Variants in BCR observed in about 807,000 individuals in gnomAD.
BCR encodes the protein BCR activator of RhoGEF and GTPase, also known as breakpoint cluster region protein.
A neutral mutation model predicts 138.6 loss-of-function variants in BCR; 58 were observed. That is an observed-to-expected ratio of 0.42 (90% CI 0.34 to 0.52). BCR has a LOEUF of 0.52. Ranked by LOEUF, BCR falls within the 20% of genes least tolerant of loss-of-function variation. The pLI is 0.06. For synonymous variants in BCR, 786 were observed against 730.1 expected, an observed-to-expected ratio of 1.08 and a Z score of -1.23; for missense variants, 1,599 against 1,727.2, an observed-to-expected ratio of 0.93 and a Z score of 1.32.
intron 1 of BCR, among the ~76,000 whole-genome samples, chr22:23,229,594 C>T (rs888707564): frequency 6.6e-6 from 1 of 152,172 alleles, no homozygotes; most frequent in Non-Finnish European, 1.5e-5. Flanking sequence ...CTGTTGACCA[C>T]TGAGGGATCA....
At position 23,315,620 on chromosome 22, in the gene BCR, G is replaced by C; in HGVS notation, c.*98G>C. On this transcript the variant is annotated 3_prime_UTR_variant, in exon 23 of 23. Coordinates refer to ENST00000305877, the MANE Select transcript of BCR (RefSeq NM_004327.4). Reference sequence around the variant, plus strand: ...GGGAACCTTCCTGAGGTGTCCTTGGGCCACCCCCAAGTGTTGGGCCATCTG... The same window carrying C: ...GGGAACCTTCCTGAGGTGTCCTTGGCCCACCCCCAAGTGTTGGGCCATCTG... The C allele has an allele frequency of 4.3e-6, 5 of 1,160,278 alleles. No individual in the cohort carries two copies. Among genetic ancestry groups the C allele is most frequent in the Non-Finnish European group, 6.4e-6 (5 of 784,062 alleles). 71.9% of individuals were successfully genotyped at this position (1,160,278 alleles called of 1,614,324 possible).
chr22:23,294,975 A>G (rs754506391), intron 15 of BCR, 49 bp from the exon 16 acceptor site: 2 of 1,603,704 alleles, frequency 1.2e-6, no homozygotes, highest in African/African-American at 1.3e-5. Context: ...CAGCCATAAC[A>G]TTGACCCGTT....
At chr22:23,292,726 C>A (rs951494071) in intron 15 of BCR, 88 bp downstream of exon 15, 2 of 1,160,638 alleles carry the variant, frequency 1.7e-6, no homozygotes, top group African/African-American at 1.6e-5. Flanking sequence ...TCAGGGGCTC[C>A]CTGAGGGCTT....
intron 1 of BCR, among the ~76,000 whole-genome samples, chr22:23,223,976 A>C (rs2072859826): frequency 6.6e-6 from 1 of 152,080 alleles, no homozygotes; most frequent in African/African-American, 2.4e-5. Context: ...CGTGTAGGAC[A>C]CACAGGGACA....
At position 23,314,833 on chromosome 22, in the gene BCR, C is replaced by G. The variant is rs918055787; in HGVS notation, c.3726+119C>G. The stretch of plus-strand genomic sequence containing the variant: ...CATTGTATGTGGTGTGGCCAACATT[C>G]ACAGAGAGGGACTTGCCTAGGTCTG... On this transcript the variant is annotated intron_variant, in intron 22 of 22. Transcript: ENST00000305877. 18 of 1,316,568 alleles carry G rather than the reference C, an allele frequency of 1.4e-5. No homozygotes were observed. In the African/African-American group the frequency reaches 2.5e-4, roughly 18 times the overall value. The allele number at this position is 1,316,568 out of a possible 1,614,324, so 81.6% of individuals were successfully genotyped here. A position where few individuals can be genotyped will look rare whatever the true frequency, so the allele number is the denominator to read the frequency against.
At chr22:23,257,826 G>A (rs928781) in intron 2 of BCR, among the ~76,000 whole-genome samples, 43,779 of 152,148 alleles carry the variant, frequency 0.29, 6,711 homozygotes, top group Middle Eastern at 0.42. Context: ...CTGTCTCCAA[G>A]TGAGAGTACG....
chr22:23,212,416 G>T (rs1351948086), intron 1 of BCR, among the ~76,000 whole-genome samples: 5 of 152,202 alleles, frequency 3.3e-5, no homozygotes, highest in African/African-American at 1.2e-4. Flanking sequence ...AGTCTATAGA[G>T]ACACCCATTG....
chr22:23,221,781 G>A (rs777305890), intron 1 of BCR, among the ~76,000 whole-genome samples: 1 of 152,110 alleles, frequency 6.6e-6, no homozygotes, highest in Non-Finnish European at 1.5e-5. Flanking sequence ...GGGAGGGTGG[G>A]GTTGTCTTTG....
At chr22:23,250,573 A>G (rs571297959) in intron 1 of BCR, among the ~76,000 whole-genome samples, 3 of 152,262 alleles carry the variant, frequency 2.0e-5, no homozygotes, top group Admixed American at 6.5e-5. Flanking sequence ...GACGCTGACA[A>G]TTCCAAGCTA....
At chr22:23,308,716 C>CA (rs1459867752) in intron 16 of BCR, among the ~76,000 whole-genome samples, 1 of 152,188 alleles carries the variant, frequency 6.6e-6, no homozygotes, top group Non-Finnish European at 1.5e-5. Context: ...AAACGGGAGA[C>CA]AGAGGCTTCA....
At chr22:23,253,241 C>T (rs773156139) in intron 1 of BCR, among the ~76,000 whole-genome samples, 2 of 152,212 alleles carry the variant, frequency 1.3e-5, no homozygotes, top group Non-Finnish European at 2.9e-5. Context: ...GCTCTCCTAA[C>T]CCTGGCCTTT....
intron 1 of BCR, among the ~76,000 whole-genome samples, chr22:23,238,358 C>T (rs974115814): frequency 6.6e-6 from 1 of 152,080 alleles, no homozygotes; most frequent in Non-Finnish European, 1.5e-5. Context: ...GACTTGGAGA[C>T]CGTGCCACCT....
At chr22:23,275,009 C>G (rs1032292152) in intron 8 of BCR, among the ~76,000 whole-genome samples, 1 of 152,050 alleles carries the variant, frequency 6.6e-6, no homozygotes, top group African/African-American at 2.4e-5. Context: ...GCCCTGTCCT[C>G]AGGGCCCCCA....
intron 1 of BCR, among the ~76,000 whole-genome samples, chr22:23,247,952 C>T (rs2073174086): frequency 1.3e-5 from 2 of 152,214 alleles, no homozygotes; most frequent in Non-Finnish European, 2.9e-5. Context: ...TTGTGCTTCT[C>T]CCTTCTTCTG....
intron 2 of BCR, among the ~76,000 whole-genome samples, chr22:23,257,600 A>T (rs117629290): frequency 4.2e-4 from 64 of 152,380 alleles, no homozygotes; most frequent in Non-Finnish European, 7.6e-4. Flanking sequence ...CTTGTGGAGC[A>T]GGGAGCGGCA....
intron 1 of BCR, among the ~76,000 whole-genome samples, chr22:23,193,358 G>T (rs1372420316): frequency 6.6e-6 from 1 of 152,268 alleles, no homozygotes; most frequent in Non-Finnish European, 1.5e-5. Flanking sequence ...CAGCTGGAGA[G>T]GGTGACCCTT....
At chr22:23,206,566 G>A (rs1185917732) in intron 1 of BCR, among the ~76,000 whole-genome samples, 1 of 145,608 alleles carries the variant, frequency 6.9e-6, no homozygotes, top group African/African-American at 2.7e-5. Context: ...AACATAGCGA[G>A]ACTCCGTCTC....
chr22:23,299,548 G>A (rs1392818466), intron 16 of BCR, among the ~76,000 whole-genome samples: 2 of 152,032 alleles, frequency 1.3e-5, no homozygotes, highest in African/African-American at 4.8e-5. Context: ...TTTGGCTTAT[G>A]TTTGTCTCTG....
chr22:23,198,681 G>A (rs922313179), intron 1 of BCR, among the ~76,000 whole-genome samples: 9 of 152,282 alleles, frequency 5.9e-5, no homozygotes, highest in African/African-American at 2.2e-4. Flanking sequence ...GCCTTGTGGG[G>A]CTGTGGAGCA....
Sources: gnomAD v4.1 joint callset for allele counts (sites outside exome capture counted in the v4.1 genomes callset) on GRCh38, gnomAD v4.1.1 for gene constraint, MANE v1.5 for transcripts, NCBI Gene and HGNC (gene_info 2026-07-23, HGNC 2026-07-21) for gene names.